Variants in ITGA11 observed in about 807,000 individuals in gnomAD.
ITGA11 encodes the protein integrin alpha-11.
In ITGA11, 97 loss-of-function variants were observed where a neutral mutation model predicts 141.9. The observed-to-expected ratio is 0.68, with a 90% CI of 0.58 to 0.81. ITGA11 has a LOEUF of 0.81. Ranked by LOEUF, ITGA11 falls within the 30% of genes least tolerant of loss-of-function variation. The probability of loss-of-function intolerance (pLI) is 0.00; values close to 1 mark genes in which losing one functional copy is unlikely to be tolerated. For missense variants in ITGA11, 1,387 were observed against 1,559.2 expected, an observed-to-expected ratio of 0.89 and a Z score of 1.86; for synonymous variants, 658 against 624.6, an observed-to-expected ratio of 1.05 and a Z score of -0.80.
Position 68,321,763 on chromosome 15 carries a change from C to T in ITGA11, c.2323-260G>A, listed in dbSNP as rs1893822675. 1.3e-5 allele frequency among the ~76,000 whole-genome samples: 2 copies of T among 152,210 alleles called. No homozygotes were observed. Among genetic ancestry groups the T allele is most frequent in the South Asian group, 4.1e-4 (2 of 4,834 alleles). ...AGAACCCCCACCCCCACTCACCCAG[C>T]AGAGCGGTTCTGGTCAACATTTATT... On this transcript the variant is annotated intron_variant, in intron 18 of 29. Coordinates refer to ENST00000315757, the MANE Select transcript of ITGA11 (RefSeq NM_001004439.2). The surrounding 1 kb of genome is among the most constrained non-coding windows in gnomAD (Gnocchi z 4.9).
In ITGA11 at chr15:68,361,757, G is replaced by A. The variant is rs2306017; in HGVS notation, c.358-53C>T. The A allele has an allele frequency of 4.3e-3, 5,434 of 1,270,982 alleles. 280 individuals carry two copies. The East Asian group carries it at 0.12, about 27-fold the overall frequency. 78.7% of individuals were successfully genotyped at this position (1,270,982 alleles called of 1,614,324 possible). A position where few individuals can be genotyped will look rare whatever the true frequency, so the allele number is the denominator to read the frequency against. The stretch of plus-strand genomic sequence containing the variant: ...CAGTGAGGGGACCTCAGAGAGGATC[G>A]AGGTCCAATGGCCTGAGGCCCACTC... On this transcript the variant is annotated intron_variant, in intron 4 of 29. Transcript: ENST00000315757.
chr15:68,337,727 T>C (rs887345776), intron 11 of ITGA11, among the ~76,000 whole-genome samples: 11 of 89,380 alleles, frequency 1.2e-4, no homozygotes, highest in Non-Finnish European at 2.7e-4. Flanking sequence ...CAGCTCCCTG[T>C]TGCCAACATG....
At position 68,302,786 on chromosome 15, in the gene ITGA11, C is replaced by T; in HGVS notation, c.*273G>A. The stretch of plus-strand genomic sequence containing the variant: ...GCCCTCCACAGAGCCTGAGGGAGGC[C>T]TTGGCATGGGCCTGGGTGTGTGTAG... On this transcript the variant is annotated 3_prime_UTR_variant, in exon 30 of 30. Transcript: ENST00000315757. 2.5e-6 allele frequency: 1 copy of T among 400,010 alleles called. No individual in the cohort carries two copies. The highest frequency in any genetic ancestry group is 4.4e-6 in the Non-Finnish European group (1 of 225,932). The allele number at this position is 400,010 out of a possible 1,614,324, so 24.8% of individuals were successfully genotyped here.
At position 68,317,302 on chromosome 15, in the gene ITGA11, C is replaced by T; in HGVS notation, c.2678G>A (p.Cys893Tyr). 1.2e-6 allele frequency: 2 copies of T among 1,613,896 alleles called. No individual in the cohort carries two copies. The highest frequency in any genetic ancestry group is 1.7e-6 in the Non-Finnish European group (2 of 1,179,814). ...CCGGAAGAAGGGATAGCTGACGTTG[C>T]AGACTTGCTTCTGGAGCCTCCTCTC... ...NEERRLQKQV[C>Y]NVSYPFFRAK... The change falls in exon 21 of 30, where the codon TGC becomes TAC. Residue 893 changes from cysteine (C) to tyrosine (Y), a missense_variant. Transcript: ENST00000315757.
At chr15:68,431,018 G>A (rs1897255694) in intron 1 of ITGA11, among the ~76,000 whole-genome samples, 2 of 152,248 alleles carry the variant, frequency 1.3e-5, no homozygotes, top group South Asian at 2.1e-4. Context: ...AGAAGGGGAG[G>A]CAAGGTTGAG....
At chr15:68,422,403 G>C (rs1292338953) in intron 1 of ITGA11, among the ~76,000 whole-genome samples, 5 of 152,032 alleles carry the variant, frequency 3.3e-5, no homozygotes. Flanking sequence ...ACCAGGCCCT[G>C]TTAAATTCTA....
chr15:68,324,635 C>T lies in ITGA11; in HGVS notation c.2322+496G>A, dbSNP rs560095287. 3.7e-4 allele frequency among the ~76,000 whole-genome samples: 57 copies of T among 152,142 alleles called. No individual in the cohort carries two copies. Among genetic ancestry groups the T allele is most frequent in the African/African-American group, 1.1e-3 (44 of 41,518 alleles). On this transcript the variant is annotated intron_variant, in intron 18 of 29. Coordinates refer to ENST00000315757, the MANE Select transcript of ITGA11 (RefSeq NM_001004439.2). The surrounding 1 kb of genome is among the most constrained non-coding windows in gnomAD (Gnocchi z 6.3). ...AGAAAATGTGGCTGAGGGATGGGGC[C>T]GCTTCTTTTTGGAATGCTTAGGACC...
intron 23 of ITGA11, 64 bp downstream of exon 23, chr15:68,313,715 T>G (rs1893472694): frequency 7.7e-7 from 1 of 1,299,134 alleles, no homozygotes; most frequent in Non-Finnish European, 1.1e-6. Context: ...ATGCCCCCCC[T>G]TAGGCCTCCC....
intron 1 of ITGA11, among the ~76,000 whole-genome samples, chr15:68,425,424 C>G (rs1489356122): frequency 6.6e-6 from 1 of 152,212 alleles, no homozygotes; most frequent in Non-Finnish European, 1.5e-5. Context: ...TCAGAGAACC[C>G]TGTCTACAAA....
rs1272571280 is a variant in ITGA11, at chr15:68,328,322, C to T, written c.1902-60G>A. Reference sequence around the variant, plus strand: ...AGGGGCTCAGGCTGCCCTGCTGTGACCATGGGGAAAGACAAGAACCAGATG... The same window carrying T: ...AGGGGCTCAGGCTGCCCTGCTGTGATCATGGGGAAAGACAAGAACCAGATG... On this transcript the variant is annotated intron_variant, in intron 15 of 29. Transcript: ENST00000315757. The surrounding 1 kb of genome is among the most constrained non-coding windows in gnomAD (Gnocchi z 4.8). 2 of 1,507,664 alleles carry T rather than the reference C, an allele frequency of 1.3e-6. No homozygotes were observed. Among genetic ancestry groups the T allele is most frequent in the African/African-American group, 1.4e-5 (1 of 71,788 alleles). The allele number at this position is 1,507,664 out of a possible 1,614,324, so 93.4% of individuals were successfully genotyped here. A position where few individuals can be genotyped will look rare whatever the true frequency, so the allele number is the denominator to read the frequency against.
At chr15:68,399,140 A>G (rs1896401511) in intron 2 of ITGA11, among the ~76,000 whole-genome samples, 1 of 151,566 alleles carries the variant, frequency 6.6e-6, no homozygotes, top group Admixed American at 6.6e-5. Context: ...AAGAAAAACA[A>G]CCCCATTAAA....
intron 2 of ITGA11, among the ~76,000 whole-genome samples, chr15:68,370,984 A>G (rs1258159318): frequency 6.6e-6 from 1 of 152,180 alleles, no homozygotes; most frequent in Admixed American, 6.5e-5. Flanking sequence ...GGAGTTATAG[A>G]ACTCTGTTTG....
chr15:68,432,049 G>A lies in ITGA11; in HGVS notation c.18C>T (p.Gly6=), dbSNP rs1897281637. MDLPR[G]LVVAWALSLW... Reference sequence around the variant, plus strand: ...GGCTGAGCGCCCAGGCCACCACCAGGCCCCTGGGCAGGTCCATGGCCCGCG... The same window carrying A: ...GGCTGAGCGCCCAGGCCACCACCAGACCCCTGGGCAGGTCCATGGCCCGCG... Residue 6 remains glycine (G), a synonymous_variant, in exon 1 of 30, where the codon GGC becomes GGT. Transcript: ENST00000315757. The A allele has an allele frequency of 1.5e-6, 2 of 1,349,780 alleles. No homozygotes were observed. 83.6% of individuals were successfully genotyped at this position (1,349,780 alleles called of 1,614,324 possible).
At chr15:68,388,332 A>G (rs1332507361) in intron 2 of ITGA11, among the ~76,000 whole-genome samples, 1 of 152,052 alleles carries the variant, frequency 6.6e-6, no homozygotes, top group Non-Finnish European at 1.5e-5. Context: ...TCCTTCTCAG[A>G]TAACCATGAT....
intron 1 of ITGA11, among the ~76,000 whole-genome samples, chr15:68,429,471 T>A (rs1160730477): frequency 1.3e-5 from 2 of 152,220 alleles, no homozygotes; most frequent in Admixed American, 6.5e-5. Context: ...ACTTTTTTTT[T>A]AGGCTTTCCT....
intron 2 of ITGA11, among the ~76,000 whole-genome samples, chr15:68,390,818 C>T (rs1896101345): frequency 2.0e-5 from 3 of 152,202 alleles, no homozygotes; most frequent in Admixed American, 6.5e-5. Context: ...AATAGAGGTT[C>T]GGGAAGGTTG....
rs1895363496 is a variant in ITGA11, at chr15:68,364,767, C to T, written c.297G>A (p.Arg99=). ...GRVTLSNVSE[R]KDNMRLGLSL... ...TAAGGCCGAGGCGCATGTTGTCTTT[C>T]CGCTCGGACACGTTGGACAGGGTGA... is the stretch of plus-strand genomic sequence containing the variant. Residue 99 remains arginine, a synonymous_variant, in exon 4 of 30, where the codon CGG becomes CGA. Coordinates refer to ENST00000315757, the MANE Select transcript of ITGA11 (RefSeq NM_001004439.2). The T allele has an allele frequency of 6.2e-7, 1 of 1,608,370 alleles. No individual in the cohort carries two copies. Among genetic ancestry groups the T allele is most frequent in the Non-Finnish European group, 8.5e-7 (1 of 1,176,104 alleles).
chr15:68,344,627 G>A (rs911265666), intron 10 of ITGA11, among the ~76,000 whole-genome samples: 3 of 151,962 alleles, frequency 2.0e-5, no homozygotes, highest in African/African-American at 7.3e-5. Context: ...GGAAGAAGCG[G>A]AGGGAGAAAG....
At chr15:68,405,393 A>C (rs1175717339) in intron 1 of ITGA11, among the ~76,000 whole-genome samples, 1 of 152,098 alleles carries the variant, frequency 6.6e-6, no homozygotes, top group East Asian at 1.9e-4. Flanking sequence ...GACTGATAGC[A>C]CTACCTGCTA....
Sources: gnomAD v4.1 joint callset for allele counts (sites outside exome capture counted in the v4.1 genomes callset) on GRCh38, gnomAD v4.1.1 for gene constraint, Gnocchi (gnomAD v3.1) non-coding constraint, MANE v1.5 for transcripts, NCBI Gene and HGNC (gene_info 2026-07-23, HGNC 2026-07-21) for gene names.